AKR1C4: variants seen among roughly 807,000 people sequenced by gnomAD.
AKR1C4 encodes the protein 3-alpha-HSD1.
Under a neutral mutation model 41.0 loss-of-function variants are expected in AKR1C4, and 44 were observed. The observed-to-expected ratio is 1.07, with a 90% confidence interval of 0.84 to 1.38. AKR1C4 has a LOEUF of 1.38. Ranked by LOEUF, AKR1C4 falls within the 40% of genes most tolerant of loss-of-function variation. AKR1C4 has a pLI of 0.00. For missense variants in AKR1C4, 438 were observed against 387.9 expected, an observed-to-expected ratio of 1.13 and a Z score of -1.09; for synonymous variants, 165 against 137.7, an observed-to-expected ratio of 1.20 and a Z score of -1.39.
intron 5 of AKR1C4, among the ~76,000 whole-genome samples, chr10:5,211,122 T>C (rs954075102): frequency 6.6e-6 from 1 of 152,100 alleles, no homozygotes. Context: ...CATTTTTTCC[T>C]CCTAGACCTC....
chr10:5,204,539 C>T (rs781907599), intron 3 of AKR1C4, 46 bp downstream of exon 3: 8 of 1,382,070 alleles, frequency 5.8e-6, no homozygotes, highest in Non-Finnish European at 2.1e-6. Context: ...TCAGCATGAC[C>T]ATCCTTTATG....
intron 2 of AKR1C4, chr10:5,202,482 G>T: frequency 2.2e-6 from 1 of 455,514 alleles, no homozygotes; most frequent in Non-Finnish European, 4.4e-6. Context: ...TTTCCAATTT[G>T]GATTCCCTTT....
chr10:5,217,860 C>A (rs1196765482), intron 8 of AKR1C4, among the ~76,000 whole-genome samples: 2 of 152,162 alleles, frequency 1.3e-5, no homozygotes, highest in Non-Finnish European at 2.9e-5. Context: ...CTCCAAGGTT[C>A]TAGGATTCAC....
At chr10:5,208,030 T>C (rs1832516263) in intron 5 of AKR1C4, among the ~76,000 whole-genome samples, 1 of 147,028 alleles carries the variant, frequency 6.8e-6, no homozygotes, top group Non-Finnish European at 1.5e-5. Context: ...TTGTGGAAAT[T>C]TGATGCAAAG....
At chr10:5,215,155 T>C (rs1428188656) in intron 7 of AKR1C4, among the ~76,000 whole-genome samples, 1 of 152,186 alleles carries the variant, frequency 6.6e-6, no homozygotes, top group Admixed American at 6.5e-5. Context: ...GACTGGTTCA[T>C]GTACTTATAA....
intron 2 of AKR1C4, among the ~76,000 whole-genome samples, chr10:5,203,290 T>C (rs1832430709): frequency 1.3e-5 from 2 of 152,168 alleles, no homozygotes; most frequent in Non-Finnish European, 2.9e-5. Context: ...TAGGAGCTTC[T>C]TTCGATCTGT....
At chr10:5,212,918 C>T (rs1449980215) in intron 6 of AKR1C4, 76 bp from the exon 7 acceptor site, 1 of 1,553,924 alleles carries the variant, frequency 6.4e-7, no homozygotes, top group East Asian at 2.3e-5. Flanking sequence ...AGAATGAACA[C>T]CTTAGTCTGT....
intron 2 of AKR1C4, 75 bp downstream of exon 2, chr10:5,200,423 T>C: frequency 6.6e-7 from 1 of 1,520,554 alleles, no homozygotes; most frequent in South Asian, 1.4e-5. Context: ...CTGTAACTGG[T>C]TCAGTAGTTG....
Position 5,196,922 on chromosome 10 carries a change from T to C in AKR1C4, c.55T>C (p.Leu19=), listed in dbSNP as rs782527106. Residue 19 remains leucine, a synonymous_variant, in exon 1 of 9, where the codon TTG becomes CTG. Coordinates refer to ENST00000263126, the MANE Select transcript of AKR1C4 (RefSeq NM_001818.5). ...AAATGATGGTCACTTCATGCCCGTA[T>C]TGGGATTTGGCACCTATGCACCTCC... ...ELNDGHFMPV[L]GFGTYAPPEV... is the part of the protein sequence containing the mutation. The C allele has an allele frequency of 5.0e-6, 8 of 1,614,084 alleles. No individual in the cohort carries two copies. Among genetic ancestry groups the C allele is most frequent in the East Asian group, 2.2e-5 (1 of 44,886 alleles).
chr10:5,212,826 G>T, intron 6 of AKR1C4, 101 bp downstream of exon 6: 1 of 1,422,736 alleles, frequency 7.0e-7, no homozygotes, highest in South Asian at 1.3e-5. Context: ...ATGGGTCAGG[G>T]TAAGGGGATA....
At chr10:5,215,380 T>C (rs1554798412) in intron 7 of AKR1C4, among the ~76,000 whole-genome samples, 2 of 151,504 alleles carry the variant, frequency 1.3e-5, no homozygotes, top group African/African-American at 4.9e-5. Context: ...TTTGTGCTGC[T>C]GTAAAAAAAA....
At position 5,218,840 on chromosome 10, in the gene AKR1C4, T is replaced by C; in HGVS notation, c.*80T>C. 2 of 1,416,056 alleles carry C rather than the reference T, an allele frequency of 1.4e-6. No homozygotes were observed. The highest frequency in any genetic ancestry group is 2.3e-5 in the South Asian group (2 of 85,488). The allele number at this position is 1,416,056 out of a possible 1,614,324, so 87.7% of individuals were successfully genotyped here. On this transcript the variant is annotated 3_prime_UTR_variant, in exon 9 of 9. Coordinates refer to ENST00000263126, the MANE Select transcript of AKR1C4 (RefSeq NM_001818.5). ...CAGAGGATGTCTCTATGCTGGTGAC[T>C]GGACACACAGCCTCTGGTTAAATCC...
intron 5 of AKR1C4, among the ~76,000 whole-genome samples, chr10:5,208,863 T>TA (rs1832527878): frequency 6.7e-6 from 1 of 148,914 alleles, no homozygotes; most frequent in Non-Finnish European, 1.5e-5. Context: ...GAGAGAATTA[T>TA]AAAACAATGA....
chr10:5,197,766 C>T (rs1259215991), intron 1 of AKR1C4, among the ~76,000 whole-genome samples: 3 of 152,106 alleles, frequency 2.0e-5, no homozygotes, highest in South Asian at 2.1e-4. Flanking sequence ...ATCAACTATA[C>T]GTTGTAAGAA....
rs898176270 is a variant in AKR1C4 at position 5,216,476 on chromosome 10, G to C, written c.847-235G>C. Among the ~76,000 whole-genome samples, 4 of 149,494 alleles carry C rather than the reference G, an allele frequency of 2.7e-5. 1 individual carries two copies. The South Asian group carries it at 8.4e-4, about 31-fold the overall frequency. ...CAACTTCGTTCCATCTTTAGTTTCTGTTGAGATCTTTTCTTCAGTTTTGTG... is the reference window on the plus strand; with the variant it reads ...CAACTTCGTTCCATCTTTAGTTTCTCTTGAGATCTTTTCTTCAGTTTTGTG... On this transcript the variant is annotated intron_variant, in intron 7 of 8. Transcript: ENST00000263126.
chr10:5,212,583 T>A, intron 5 of AKR1C4, 33 bp from the exon 6 acceptor site: 1 of 1,561,180 alleles, frequency 6.4e-7, no homozygotes, highest in Non-Finnish European at 8.7e-7. Context: ...TGTTTTGAAT[T>A]ATCTGATGCT....
intron 1 of AKR1C4, among the ~76,000 whole-genome samples, chr10:5,198,885 C>A (rs112543235): frequency 1.4e-5 from 2 of 146,766 alleles, no homozygotes; most frequent in East Asian, 4.0e-4. Context: ...GTCTGTGGTC[C>A]TAGCTATTTG....
At chr10:5,202,432 G>A in intron 2 of AKR1C4, 1 of 455,178 alleles carries the variant, frequency 2.2e-6, no homozygotes, top group South Asian at 1.6e-5. Flanking sequence ...GTAGGTATAT[G>A]ATCATATTAC....
At chr10:5,204,888 A>C (rs1481100555) in intron 3 of AKR1C4, among the ~76,000 whole-genome samples, 1 of 152,150 alleles carries the variant, frequency 6.6e-6, no homozygotes, top group Non-Finnish European at 1.5e-5. Context: ...TTTAAGCTGA[A>C]GTAGATTTGG....
Sources: allele counts gnomAD v4.1 joint callset (sites outside exome capture counted in the v4.1 genomes callset), GRCh38; gene constraint gnomAD v4.1.1; transcripts MANE v1.5; gene names NCBI Gene and HGNC (gene_info 2026-07-23, HGNC 2026-07-21).